FRMPD4: variants seen among roughly 807,000 people sequenced by gnomAD.
The protein encoded by FRMPD4 is FERM and PDZ domain-containing protein 4.
In FRMPD4, 22 loss-of-function variants were observed where a neutral mutation model predicts 94.1. The ratio of observed to expected loss-of-function variants is 0.23; its 90% CI spans 0.17 to 0.33. The LOEUF (loss-of-function observed/expected upper bound fraction) is 0.33, where lower values mean the gene tolerates loss of function less well. FRMPD4 is among the 10% of genes least tolerant of loss of function. The probability of loss-of-function intolerance (pLI) is 1.00; values close to 1 mark genes in which losing one functional copy is unlikely to be tolerated. For missense variants in FRMPD4, 1,111 were observed against 1,339.9 expected, an observed-to-expected ratio of 0.83 and a Z score of 2.67; for synonymous variants, 631 against 548.6, an observed-to-expected ratio of 1.15 and a Z score of -2.10.
intron 1 of FRMPD4, among the ~76,000 whole-genome samples, chrX:12,442,330 T>C (rs1459387565): frequency 9.0e-6 from 1 of 111,119 alleles, no homozygotes; most frequent in African/African-American, 3.3e-5. Context: ...ACAGGATAAC[T>C]ATGAACACTG....
intron 1 of FRMPD4, among the ~76,000 whole-genome samples, chrX:12,326,874 A>G (rs2055297095): frequency 9.0e-6 from 1 of 110,633 alleles, no homozygotes; most frequent in Non-Finnish European, 1.9e-5. Flanking sequence ...AGGCAGGAGG[A>G]TCCCTTGAGC....
intron 1 of FRMPD4, among the ~76,000 whole-genome samples, chrX:12,247,647 A>G (rs2053974805): frequency 8.9e-6 from 1 of 111,953 alleles, no homozygotes; most frequent in Non-Finnish European, 1.9e-5. Context: ...TTGGCCTCCA[A>G]AAGTGCTGGG....
chrX:12,538,251 T>A (rs1223407237), intron 2 of FRMPD4, among the ~76,000 whole-genome samples: 1 of 111,095 alleles, frequency 9.0e-6, no homozygotes, highest in Non-Finnish European at 1.9e-5. Flanking sequence ...AGTCTGAGAT[T>A]GAACTGAAAG....
chrX:12,571,092 G>A (rs1248826694), intron 2 of FRMPD4, among the ~76,000 whole-genome samples: 1 of 111,762 alleles, frequency 8.9e-6, no homozygotes, highest in Non-Finnish European at 1.9e-5. Flanking sequence ...AAACTTTGAG[G>A]TAAGATTCTC....
intron 2 of FRMPD4, among the ~76,000 whole-genome samples, chrX:12,544,157 G>C (rs1404742191): frequency 9.2e-6 from 1 of 109,146 alleles, no homozygotes; most frequent in Non-Finnish European, 1.9e-5. Context: ...AATGGGTGCA[G>C]CACACCAACA....
chrX:12,053,425 A>G (rs996423426), intron 3 of FRMPD4, among the ~76,000 whole-genome samples: 8 of 99,790 alleles, frequency 8.0e-5, no homozygotes, highest in African/African-American at 2.9e-4. Context: ...AAAGAAAGAA[A>G]GAAAGAGAAA....
chrX:12,494,075 C>A lies in FRMPD4; in HGVS notation c.42-4605C>A, dbSNP rs747444693. Among the ~76,000 whole-genome samples, 3 of 112,052 alleles carry A rather than the reference C, an allele frequency of 2.7e-5. No homozygotes were observed. In the Admixed American group the frequency reaches 2.8e-4, roughly 11 times the overall value. On this transcript the variant is annotated intron_variant, in intron 1 of 16. Coordinates refer to ENST00000675598, the MANE Select transcript of FRMPD4 (RefSeq NM_001368397.1). ...TCACTATTAGACTCTAAGCAGAAACCTTGAGAATGCTTGGTTTTATGTTTT... is the reference window on the plus strand; with the variant it reads ...TCACTATTAGACTCTAAGCAGAAACATTGAGAATGCTTGGTTTTATGTTTT...
intron 1 of FRMPD4, among the ~76,000 whole-genome samples, chrX:12,271,107 AG>A (rs957047386): frequency 4.5e-5 from 5 of 112,114 alleles, no homozygotes; most frequent in African/African-American, 1.6e-4. Flanking sequence ...CATATACACT[AG>A]GTAATTCCCG....
At chrX:12,199,237 A>ATGTGTGTGTGTGTGTGTGTG (rs5901464) in intron 1 of FRMPD4, among the ~76,000 whole-genome samples, 7 of 91,276 alleles carry the variant, frequency 7.7e-5, no homozygotes, top group Middle Eastern at 0.011. Flanking sequence ...AGAAAGGAAA[A>ATGTGTGTGTGTGTGTGTGTG]TGTGTGTGTG....
intron 4 of FRMPD4, among the ~76,000 whole-genome samples, chrX:12,653,999 C>T (rs2059626674): frequency 8.9e-6 from 1 of 111,982 alleles, no homozygotes; most frequent in Non-Finnish European, 1.9e-5. Flanking sequence ...ACTCCTCAGT[C>T]ACCTCAGGTG....
chrX:11,922,616 C>A (rs1414726882), intron 3 of FRMPD4, among the ~76,000 whole-genome samples: 1 of 112,154 alleles, frequency 8.9e-6, no homozygotes, highest in Non-Finnish European at 1.9e-5. Context: ...TGGCAAAGAG[C>A]AACCTGCTCT....
At chrX:12,093,440 A>T (rs2055171689) in intron 3 of FRMPD4, among the ~76,000 whole-genome samples, 1 of 110,536 alleles carries the variant, frequency 9.0e-6, no homozygotes, top group South Asian at 3.9e-4. Context: ...TCTTTATCCA[A>T]ATCTCAAGGC....
chrX:12,072,290 C>T (rs1485916915), intron 3 of FRMPD4, among the ~76,000 whole-genome samples: 1 of 112,063 alleles, frequency 8.9e-6, no homozygotes, highest in Non-Finnish European at 1.9e-5. Context: ...CTGGGAAATT[C>T]ACACTGTTTA....
At position 12,212,553 on chromosome X, in the gene FRMPD4, C is replaced by T. The variant is rs1296434513; in HGVS notation, c.41+73541C>T. On this transcript the variant is annotated intron_variant, in intron 1 of 16. Transcript: ENST00000675598. ...CTCTCTGAGAACTGAGCGGTGTTGA[C>T]AACCAGCCTAGACTTCTAGGTGAGA... Among the ~76,000 whole-genome samples the T allele has an allele frequency of 3.6e-5, 4 of 111,367 alleles. No individual in the cohort carries two copies. In the East Asian group the frequency reaches 1.1e-3, roughly 32 times the overall value.
At chrX:12,663,993 G>T (rs2059747453) in intron 4 of FRMPD4, among the ~76,000 whole-genome samples, 1 of 111,710 alleles carries the variant, frequency 9.0e-6, no homozygotes, top group African/African-American at 3.3e-5. Flanking sequence ...TCATGATTTG[G>T]CTCTCTGTTT....
rs1399115930 is a variant in FRMPD4 at position 12,716,123 on chromosome X, C to G, written c.1664C>G (p.Pro555Arg). 1.7e-6 allele frequency: 2 copies of G among 1,198,616 alleles called. No homozygotes were observed. Among genetic ancestry groups the G allele is most frequent in the African/African-American group, 3.6e-5 (2 of 56,031 alleles). Residue 555 changes from proline to arginine, a missense_variant, in exon 15 of 17, where the codon CCC (proline) becomes CGC (arginine). Pro to Arg is a moderately radical substitution (Grantham distance 103). This residue lies in a region of FRMPD4 where 192 missense variants were observed against 192.5 expected (regional missense o/e 1.00). Coordinates refer to ENST00000675598, the MANE Select transcript of FRMPD4 (RefSeq NM_001368397.1). ...CTTGGCCCAGATTGGAACTGTATAC[C>G]CCAAATGACCACCTTTATTGGCGAA... ...NLLGPDWNCI[P>R]QMTTFIGEGE... is the part of the protein sequence containing the mutation.
intron 2 of FRMPD4, among the ~76,000 whole-genome samples, chrX:12,548,150 T>C (rs2058497927): frequency 8.9e-6 from 1 of 112,270 alleles, no homozygotes; most frequent in African/African-American, 3.2e-5. Context: ...TTTTGCCCCA[T>C]GGGCTGTACT....
intron 4 of FRMPD4, among the ~76,000 whole-genome samples, chrX:12,645,288 A>G (rs2059536812): frequency 9.4e-6 from 1 of 106,269 alleles, no homozygotes; most frequent in Non-Finnish European, 1.9e-5. Context: ...TTTATTTCAT[A>G]CTGCTTTTCA....
At chrX:12,560,498 A>AAAAAAAAAC (rs2058643795) in intron 2 of FRMPD4, among the ~76,000 whole-genome samples, 1 of 96,289 alleles carries the variant, frequency 1.0e-5, no homozygotes, top group Non-Finnish European at 2.1e-5. Flanking sequence ...AAAAAAAAAA[A>AAAAAAAAAC]CCCAGCAACC....
Sources: gnomAD v4.1 joint callset for allele counts (sites outside exome capture counted in the v4.1 genomes callset) on GRCh38, gnomAD v4.1.1 for gene constraint, gnomAD v4.1.1 regional missense constraint, MANE v1.5 for transcripts, NCBI Gene and HGNC (gene_info 2026-07-23, HGNC 2026-07-21) for gene names.